SPON1: variants seen among roughly 807,000 people sequenced by gnomAD.
The protein encoded by SPON1 is spondin-1.
In SPON1, 52 loss-of-function variants were observed where a neutral mutation model predicts 111.7. The ratio of observed to expected loss-of-function variants is 0.47; its 90% CI spans 0.37 to 0.59. The LOEUF (loss-of-function observed/expected upper bound fraction) is 0.59, where lower values mean the gene tolerates loss of function less well. Ranked by LOEUF, SPON1 falls within the 20% of genes least tolerant of loss-of-function variation. The probability of loss-of-function intolerance (pLI) is 0.00; values close to 1 mark genes in which losing one functional copy is unlikely to be tolerated. For synonymous variants in SPON1, 410 were observed against 395.8 expected (o/e 1.04, Z -0.43); for missense variants, 957 against 1,068.5 (o/e 0.90, Z 1.46).
intron 3 of SPON1, among the ~76,000 whole-genome samples, chr11:14,065,730 G>T (rs1848827568): frequency 6.6e-6 from 1 of 152,202 alleles, no homozygotes; most frequent in South Asian, 2.1e-4. Flanking sequence ...TAAGCTTTGT[G>T]GGGTCAGGAA....
chr11:14,201,281 A>C (rs1554935607), intron 6 of SPON1, among the ~76,000 whole-genome samples: 2 of 152,082 alleles, frequency 1.3e-5, no homozygotes, highest in Admixed American at 6.6e-5. Context: ...CAGAGCTTGC[A>C]ATGAGCCAAG....
intron 6 of SPON1, among the ~76,000 whole-genome samples, chr11:14,187,915 G>T (rs1848304247): frequency 6.6e-6 from 1 of 152,148 alleles, no homozygotes; most frequent in Admixed American, 6.5e-5. Flanking sequence ...CTGAGTAGCT[G>T]GGATTACAGG....
chr11:14,106,190 T>G (rs1393193984), intron 5 of SPON1, among the ~76,000 whole-genome samples: 1 of 152,196 alleles, frequency 6.6e-6, no homozygotes, highest in Non-Finnish European at 1.5e-5. Context: ...CCCATGCATT[T>G]TTCATTTACT....
chr11:14,081,105 A>C (rs962318380), intron 5 of SPON1, among the ~76,000 whole-genome samples: 2 of 152,130 alleles, frequency 1.3e-5, no homozygotes, highest in African/African-American at 4.8e-5. Context: ...AAATCTTTTC[A>C]TAACATTGTT....
intron 6 of SPON1, among the ~76,000 whole-genome samples, chr11:14,142,977 T>C (rs1209636271): frequency 2.0e-5 from 3 of 152,086 alleles, no homozygotes; most frequent in African/African-American, 7.2e-5. Context: ...CATGCAAATC[T>C]CTCCCCGACT....
At position 14,160,687 on chromosome 11, in the gene SPON1, A is replaced by C. The variant is rs868939289; in HGVS notation, c.825+25119A>C. ...TATATATTTACATATATTTATATAT[A>C]TATTTATATATTTATATATATTTAT... On this transcript the variant is annotated intron_variant, in intron 6 of 15. Transcript: ENST00000576479. Among the ~76,000 whole-genome samples, 6 of 13,452 alleles carry C rather than the reference A, an allele frequency of 4.5e-4. 2 individuals carry two copies. The highest frequency in any genetic ancestry group is 5.8e-4 in the Non-Finnish European group (6 of 10,328). The allele number at this position is 13,452 out of a possible 152,430, so 8.8% of individuals were successfully genotyped here.
intron 7 of SPON1, 111 bp downstream of exon 7, chr11:14,243,507 T>G: frequency 1.1e-6 from 1 of 887,016 alleles, no homozygotes; most frequent in East Asian, 2.6e-5. Flanking sequence ...GCACTACTTC[T>G]CAGTTAACAA....
chr11:14,160,359 C>T (rs1847895304), intron 6 of SPON1, among the ~76,000 whole-genome samples: 1 of 120,484 alleles, frequency 8.3e-6, no homozygotes, highest in Non-Finnish European at 1.6e-5. Flanking sequence ...GCCTAACCTA[C>T]CATATATGTG....
intron 2 of SPON1, among the ~76,000 whole-genome samples, chr11:13,998,214 AT>A (rs1554912063): frequency 6.6e-6 from 1 of 152,198 alleles, no homozygotes; most frequent in East Asian, 1.9e-4. Context: ...GAATCAGAGC[AT>A]TGATCGATGG....
chr11:14,110,426 T>A (rs1022129230), intron 5 of SPON1, among the ~76,000 whole-genome samples: 43 of 152,174 alleles, frequency 2.8e-4, no homozygotes, highest in African/African-American at 9.9e-4. Flanking sequence ...GTGTTAGAGT[T>A]CTCCAGTGGG....
chr11:14,221,590 T>TA (rs1848681439), intron 6 of SPON1, among the ~76,000 whole-genome samples: 1 of 152,018 alleles, frequency 6.6e-6, no homozygotes, highest in Non-Finnish European at 1.5e-5. Flanking sequence ...CCACTCTAAG[T>TA]GACTCATCCG....
chr11:14,083,055 G>A (rs933343150), intron 5 of SPON1, among the ~76,000 whole-genome samples: 1 of 151,182 alleles, frequency 6.6e-6, no homozygotes, highest in Non-Finnish European at 1.5e-5. Flanking sequence ...AACTAAAACA[G>A]AGAAATTGAA....
intron 5 of SPON1, among the ~76,000 whole-genome samples, chr11:14,121,717 T>C (rs1339183902): frequency 1.3e-5 from 2 of 152,160 alleles, no homozygotes; most frequent in Non-Finnish European, 2.9e-5. Flanking sequence ...TGTAGATCTG[T>C]ATTTCCATCT....
At chr11:14,052,298 A>G (rs1848713541) in intron 3 of SPON1, among the ~76,000 whole-genome samples, 1 of 152,240 alleles carries the variant, frequency 6.6e-6, no homozygotes, top group South Asian at 2.1e-4. Flanking sequence ...CGTAGGGCTC[A>G]CTAACTCTTT....
At chr11:14,098,626 G>A (rs1302565425) in intron 5 of SPON1, among the ~76,000 whole-genome samples, 1 of 150,014 alleles carries the variant, frequency 6.7e-6, no homozygotes, top group Non-Finnish European at 1.5e-5. Context: ...CAAATCTGTG[G>A]TCGAGCTGGT....
intron 7 of SPON1, among the ~76,000 whole-genome samples, chr11:14,248,713 T>C (rs1849019945): frequency 6.6e-6 from 1 of 152,188 alleles, no homozygotes; most frequent in Admixed American, 6.5e-5. Context: ...TTGAGGTTAA[T>C]GGGATTCCAG....
At chr11:14,016,564 A>G (rs1848445552) in intron 2 of SPON1, among the ~76,000 whole-genome samples, 1 of 152,202 alleles carries the variant, frequency 6.6e-6, no homozygotes, top group Non-Finnish European at 1.5e-5. Context: ...GGGTACTTTA[A>G]AACAAGTTCT....
intron 6 of SPON1, among the ~76,000 whole-genome samples, chr11:14,159,710 G>A (rs1250735508): frequency 6.6e-6 from 1 of 152,016 alleles, no homozygotes; most frequent in African/African-American, 2.4e-5. Flanking sequence ...GCCATAAGAA[G>A]AATGAGATCC....
chr11:14,073,331 T>C (rs1330265397), intron 3 of SPON1, among the ~76,000 whole-genome samples: 1 of 152,222 alleles, frequency 6.6e-6, no homozygotes, highest in Non-Finnish European at 1.5e-5. Context: ...AACTGTGACC[T>C]GATACATGAG....
Sources: allele counts gnomAD v4.1 joint callset (sites outside exome capture counted in the v4.1 genomes callset), GRCh38; gene constraint gnomAD v4.1.1; transcripts MANE v1.5; gene names NCBI Gene and HGNC (gene_info 2026-07-23, HGNC 2026-07-21).